The following ASIC2 variants were observed in gnomAD, a reference collection of about 807,000 sequenced individuals.
ASIC2 encodes the protein acid sensing ion channel subunit 2.
In ASIC2, 25 loss-of-function variants were observed where a neutral mutation model predicts 57.3. The ratio of observed to expected loss-of-function variants is 0.44; its 90% CI spans 0.32 to 0.61. The LOEUF (loss-of-function observed/expected upper bound fraction) is 0.61, where lower values mean the gene tolerates loss of function less well. Among genes scored for constraint, ASIC2 ranks in the 20% least tolerant of loss-of-function variants. The pLI is 0.06. For missense variants in ASIC2, 641 were observed against 738.1 expected, an observed-to-expected ratio of 0.87 and a Z score of 1.52; for synonymous variants, 319 against 307.5, an observed-to-expected ratio of 1.04 and a Z score of -0.39.
chr17:33,325,647 C>G (rs544914130), intron 1 of ASIC2, among the ~76,000 whole-genome samples: 6 of 152,078 alleles, frequency 3.9e-5, no homozygotes, highest in African/African-American at 1.4e-4. Flanking sequence ...TACCCTTATA[C>G]TTGTGGTTTT....
At chr17:33,192,424 CAAAACAAAACAAAACAAAACAAAACAA>C (rs1906462082) in intron 1 of ASIC2, among the ~76,000 whole-genome samples, 1 of 151,156 alleles carries the variant, frequency 6.6e-6, no homozygotes, top group Non-Finnish European at 1.5e-5. Flanking sequence ...CAAAACAAAA[CAAAACAAAACAAAACAAAACAAAACAA>C]AACACAACCA....
chr17:33,395,992 AG>A (rs1797187604), intron 1 of ASIC2, among the ~76,000 whole-genome samples: 1 of 152,240 alleles, frequency 6.6e-6, no homozygotes, highest in African/African-American at 2.4e-5. Context: ...AGGCCAGAGA[AG>A]CTGTAAATGG....
intron 1 of ASIC2, among the ~76,000 whole-genome samples, chr17:33,660,328 G>C (rs1453812125): frequency 6.6e-6 from 1 of 150,950 alleles, no homozygotes; most frequent in Non-Finnish European, 1.5e-5. Flanking sequence ...TAATGTTTTG[G>C]CTTTCTAAAC....
intron 1 of ASIC2, among the ~76,000 whole-genome samples, chr17:33,171,809 G>T (rs968320416): frequency 1.3e-5 from 2 of 152,036 alleles, no homozygotes; most frequent in Admixed American, 6.6e-5. Flanking sequence ...TATTCCCTTG[G>T]GCCCCCTTTT....
chr17:33,083,319 G>A (rs990135294), intron 3 of ASIC2, among the ~76,000 whole-genome samples: 2 of 151,944 alleles, frequency 1.3e-5, no homozygotes, highest in Admixed American at 1.3e-4. Context: ...TAGGTGTCAG[G>A]AGCAGTGATC....
At chr17:33,093,203 C>G (rs2141969466) in intron 2 of ASIC2, among the ~76,000 whole-genome samples, 1 of 152,300 alleles carries the variant, frequency 6.6e-6, no homozygotes, top group South Asian at 2.1e-4. Flanking sequence ...AATTTCAAGA[C>G]AGCAATCTCA....
intron 1 of ASIC2, among the ~76,000 whole-genome samples, chr17:33,732,453 C>G (rs772006517): frequency 2.0e-5 from 3 of 151,070 alleles, no homozygotes; most frequent in African/African-American, 7.3e-5. Flanking sequence ...TCTATACCTC[C>G]ATGTTCTTTT....
chr17:33,410,287 G>A (rs977727057), intron 1 of ASIC2, among the ~76,000 whole-genome samples: 1 of 152,168 alleles, frequency 6.6e-6, no homozygotes, highest in African/African-American at 2.4e-5. Context: ...TAAAAAATGT[G>A]TGTTTTGTGC....
At chr17:33,640,561 G>A (rs1296170539) in intron 1 of ASIC2, among the ~76,000 whole-genome samples, 2 of 152,200 alleles carry the variant, frequency 1.3e-5, no homozygotes, top group African/African-American at 2.4e-5. Flanking sequence ...CTCAAACTAA[G>A]TTGGCACAGA....
At chr17:33,505,249 A>G (rs985530976) in intron 1 of ASIC2, among the ~76,000 whole-genome samples, 46 of 152,160 alleles carry the variant, frequency 3.0e-4, no homozygotes, top group African/African-American at 1.1e-3. Flanking sequence ...AGACCCAATC[A>G]GTGACTGGGA....
intron 1 of ASIC2, among the ~76,000 whole-genome samples, chr17:34,040,587 G>C (rs1025590610): frequency 5.9e-5 from 9 of 152,262 alleles, no homozygotes; most frequent in African/African-American, 2.2e-4. Flanking sequence ...AGGGTGACTT[G>C]CACAAGCTAA....
chr17:33,227,446 G>A (rs1246329961), intron 1 of ASIC2, among the ~76,000 whole-genome samples: 1 of 152,046 alleles, frequency 6.6e-6, no homozygotes, highest in Non-Finnish European at 1.5e-5. Flanking sequence ...TTTCCACAGG[G>A]ATTTGCATTG....
chr17:33,084,573 G>A (rs1253581512), intron 3 of ASIC2, among the ~76,000 whole-genome samples: 1 of 152,230 alleles, frequency 6.6e-6, no homozygotes, highest in East Asian at 1.9e-4. Context: ...ACGCAGTTTT[G>A]TCATCTGCAA....
chr17:34,061,749 T>C (rs568747595), intron 1 of ASIC2, among the ~76,000 whole-genome samples: 9 of 137,372 alleles, frequency 6.6e-5, no homozygotes, highest in East Asian at 4.2e-4. Context: ...AAAACAATCT[T>C]TGAAGCAACA....
intron 1 of ASIC2, among the ~76,000 whole-genome samples, chr17:33,192,022 C>T (rs1906441672): frequency 6.6e-6 from 1 of 152,122 alleles, no homozygotes; most frequent in Non-Finnish European, 1.5e-5. Flanking sequence ...TACTCCTTCC[C>T]CACTTCCTCC....
intron 1 of ASIC2, among the ~76,000 whole-genome samples, chr17:33,380,428 C>T (rs1359564830): frequency 6.6e-6 from 1 of 152,128 alleles, no homozygotes; most frequent in Non-Finnish European, 1.5e-5. Context: ...TAAATTCTAT[C>T]TTTGATGTAG....
intron 1 of ASIC2, among the ~76,000 whole-genome samples, chr17:33,965,471 G>A (rs1261482248): frequency 2.6e-5 from 4 of 152,142 alleles, no homozygotes; most frequent in African/African-American, 9.7e-5. Flanking sequence ...GAAAGGATGG[G>A]TATAATCCAA....
intron 1 of ASIC2, among the ~76,000 whole-genome samples, chr17:34,127,484 G>C (rs897117685): frequency 7.2e-5 from 11 of 152,204 alleles, no homozygotes; most frequent in Non-Finnish European, 1.3e-4. Context: ...ATTTAGTTGT[G>C]GATGCATCCC....
At chr17:33,753,798 C>A (rs1285956784) in intron 1 of ASIC2, among the ~76,000 whole-genome samples, 1 of 152,144 alleles carries the variant, frequency 6.6e-6, no homozygotes, top group Non-Finnish European at 1.5e-5. Context: ...GTGCATACTC[C>A]TAAATTAGGT....
Sources: allele counts gnomAD v4.1 joint callset (sites outside exome capture counted in the v4.1 genomes callset), GRCh38; gene constraint gnomAD v4.1.1; transcripts MANE v1.5; gene names NCBI Gene and HGNC (gene_info 2026-07-23, HGNC 2026-07-21).